The following TMEM200B variants were observed in gnomAD, a reference collection of about 807,000 sequenced individuals.
The protein encoded by TMEM200B is transmembrane protein TTMA.
Under a neutral mutation model 17.6 loss-of-function variants are expected in TMEM200B, and 12 were observed. The ratio of observed to expected loss-of-function variants is 0.68; its 90% CI spans 0.44 to 1.11. TMEM200B has a LOEUF of 1.11. Ranked by LOEUF, TMEM200B falls within the 50% of genes least tolerant of loss-of-function variation. The probability of loss-of-function intolerance (pLI) is 0.00; values close to 1 mark genes in which losing one functional copy is unlikely to be tolerated. For synonymous variants in TMEM200B, 234 were observed against 209.2 expected (o/e 1.12, Z -1.02); for missense variants, 456 against 447.6 (o/e 1.02, Z -0.17).
Position 29,119,881 on chromosome 1 carries a change from C to T in TMEM200B, c.*1024G>A, listed in dbSNP as rs1168585811. On this transcript the variant is annotated 3_prime_UTR_variant, in exon 2 of 2. Transcript: ENST00000521452. ...TTTACATTTCTTGAAAAAATAGGAA[C>T]TCGGGCAGCAGAATCAGATTGGCAG... 1 of 152,550 alleles carries T rather than the reference C, an allele frequency of 6.6e-6. No homozygotes were observed. Among genetic ancestry groups the T allele is most frequent in the Non-Finnish European group, 1.5e-5 (1 of 68,036 alleles). 9.4% of individuals were successfully genotyped at this position (152,550 alleles called of 1,614,324 possible).
chr1:29,121,551 T>TG lies in TMEM200B; in HGVS notation c.277dup (p.Gln93ProfsTer46). On this transcript the variant is annotated frameshift_variant, in exon 2 of 2. Transcript: ENST00000521452. LOFTEE classifies it high-confidence loss of function. The surrounding 1 kb of genome is among the most constrained non-coding windows in gnomAD (Gnocchi z 5.6). ...ACCCTCGCGTCGCAGCTCGCTCATC[T>TG]GGGGCGAGCTGGCATTGGCGGCCCG... 4 of 1,507,122 alleles carry TG rather than the reference T, an allele frequency of 2.7e-6. No individual in the cohort carries two copies. The highest frequency in any genetic ancestry group is 2.6e-6 in the Non-Finnish European group (3 of 1,137,110). The allele number at this position is 1,507,122 out of a possible 1,614,324, so 93.4% of individuals were successfully genotyped here. A position where few individuals can be genotyped will look rare whatever the true frequency, so the allele number is the denominator to read the frequency against.
Position 29,120,738 on chromosome 1 carries a change from T to G in TMEM200B, c.*167A>C. The G allele has an allele frequency of 1.2e-6, 1 of 859,760 alleles. No homozygotes were observed. The highest frequency in any genetic ancestry group is 1.8e-6 in the Non-Finnish European group (1 of 567,946). The allele number at this position is 859,760 out of a possible 1,614,324, so 53.3% of individuals were successfully genotyped here. A position where few individuals can be genotyped will look rare whatever the true frequency, so the allele number is the denominator to read the frequency against. ...TGAGCCCTGGTGCAGCTGGCATTTC[T>G]CTGCCCGCATGCAGGTCAGGATGCC... On this transcript the variant is annotated 3_prime_UTR_variant, in exon 2 of 2. Transcript: ENST00000521452.
Position 29,119,984 on chromosome 1 carries a change from ATC to A in TMEM200B, c.*919_*920del, listed in dbSNP as rs1330616584. 6.6e-6 allele frequency: 1 copy of A among 152,614 alleles called. No individual in the cohort carries two copies. The highest frequency in any genetic ancestry group is 2.4e-5 in the African/African-American group (1 of 41,440). 9.5% of individuals were successfully genotyped at this position (152,614 alleles called of 1,614,324 possible). A position where few individuals can be genotyped will look rare whatever the true frequency, so the allele number is the denominator to read the frequency against. On this transcript the variant is annotated 3_prime_UTR_variant, in exon 2 of 2. Transcript: ENST00000521452. ...GTAGAAGTGGTTGTAGTGTTTAGAT[ATC>A]TGTTTGGTCTTGCTTCTTGTATTGC...
Position 29,121,068 on chromosome 1 carries a change from C to T in TMEM200B, c.761G>A (p.Cys254Tyr), listed in dbSNP as rs1022872861. Residue 254 changes from cysteine (C) to tyrosine (Y), a missense_variant, in exon 2 of 2, where the codon TGC becomes TAC. Transcript: ENST00000521452. The surrounding 1 kb of genome is among the most constrained non-coding windows in gnomAD (Gnocchi z 5.6). Reference protein sequence around the residue: ...VIITVQPSGSCIEHSKSLDLG... With the variant: ...VIITVQPSGSYIEHSKSLDLG... ...ATCCAGAGACTTGGAATGTTCAATG[C>T]AGGAGCCAGACGGCTGCACGGTGAT... 2 of 1,613,738 alleles carry T rather than the reference C, an allele frequency of 1.2e-6. No homozygotes were observed. The highest frequency in any genetic ancestry group is 1.3e-5 in the African/African-American group (1 of 74,942).
At chr1:29,122,164 G>A (rs1671832808) in intron 1 of TMEM200B, among the ~76,000 whole-genome samples, 1 of 152,226 alleles carries the variant, frequency 6.6e-6, no homozygotes, top group East Asian at 1.9e-4. Context: ...GCCTGCGTCC[G>A]GTCCGCAAGC....
rs1157104672 is a variant in TMEM200B, at chr1:29,120,829, C to G, written c.*76G>C. The G allele has an allele frequency of 7.0e-7, 1 of 1,431,752 alleles. No homozygotes were observed. Among genetic ancestry groups the G allele is most frequent in the Non-Finnish European group, 9.3e-7 (1 of 1,077,470 alleles). The allele number at this position is 1,431,752 out of a possible 1,614,324, so 88.7% of individuals were successfully genotyped here. On this transcript the variant is annotated 3_prime_UTR_variant, in exon 2 of 2. Coordinates refer to ENST00000521452, the MANE Select transcript of TMEM200B (RefSeq NM_001003682.4). ...GGATGTGACTGAAACATCTATTAGA[C>G]GTTGGGACTCCTGGTCCTTTGGTCC... is the stretch of plus-strand genomic sequence containing the variant.
rs1385631192 is a variant in TMEM200B at position 29,121,502 on chromosome 1, G to A, written c.327C>T (p.Gly109=). 7.9e-6 allele frequency: 12 copies of A among 1,518,572 alleles called. No individual in the cohort carries two copies. Among genetic ancestry groups the A allele is most frequent in the African/African-American group, 1.4e-5 (1 of 71,848 alleles). The allele number at this position is 1,518,572 out of a possible 1,614,324, so 94.1% of individuals were successfully genotyped here. A position where few individuals can be genotyped will look rare whatever the true frequency, so the allele number is the denominator to read the frequency against. The change falls in exon 2 of 2, where the codon GGC becomes GGT. Residue 109 remains glycine (G), a synonymous_variant. Transcript: ENST00000521452. This position sits in a 1 kb window ranked among gnomAD's most constrained non-coding sequence, Gnocchi z 5.6. ...REGRGGGRAH[G]PHERLRLLGP... is the part of the protein sequence containing the mutation. ...CGAGGAGCCGCAGCCGCTCGTGCGGGCCGTGAGCCCGGCCCCCGCCGCGAC... is the reference window on the plus strand; with the variant it reads ...CGAGGAGCCGCAGCCGCTCGTGCGGACCGTGAGCCCGGCCCCCGCCGCGAC...
In TMEM200B at chr1:29,120,830, G is replaced by A. The variant is rs1351942532; in HGVS notation, c.*75C>T. ...GATGTGACTGAAACATCTATTAGAC[G>A]TTGGGACTCCTGGTCCTTTGGTCCT... is the stretch of plus-strand genomic sequence containing the variant. On this transcript the variant is annotated 3_prime_UTR_variant, in exon 2 of 2. Coordinates refer to ENST00000521452, the MANE Select transcript of TMEM200B (RefSeq NM_001003682.4). 2 of 1,442,690 alleles carry A rather than the reference G, an allele frequency of 1.4e-6. No individual in the cohort carries two copies. The highest frequency in any genetic ancestry group is 2.5e-5 in the East Asian group (1 of 40,124). 89.4% of individuals were successfully genotyped at this position (1,442,690 alleles called of 1,614,324 possible).
In TMEM200B at chr1:29,121,745, G is replaced by A; in HGVS notation, c.84C>T (p.Gly28=). Residue 28 remains glycine (G), a synonymous_variant, in exon 2 of 2, where the codon GGC becomes GGT. Transcript: ENST00000521452. The surrounding 1 kb of genome is among the most constrained non-coding windows in gnomAD (Gnocchi z 5.6). ...GCGGGGAGCGCGGGCGCCGGCGGCG[G>A]CCCAGGCGGCGGCCCAAGCGAGAGA... ...GRVSRLGRRL[G]RRRRPRSPPE... 8.3e-7 allele frequency: 1 copy of A among 1,209,450 alleles called. No homozygotes were observed. Among genetic ancestry groups the A allele is most frequent in the Non-Finnish European group, 1.0e-6 (1 of 973,466 alleles). The allele number at this position is 1,209,450 out of a possible 1,614,324, so 74.9% of individuals were successfully genotyped here.
Position 29,123,747 on chromosome 1 carries a change from C to G in TMEM200B, c.-21+109G>C, listed in dbSNP as rs1332683526. ...CCCGCCTGGGGGAACGGGAGGGCCG[C>G]GCTCCCGCCCCCAGGGGCCCTGACC... On this transcript the variant is annotated intron_variant, in intron 1 of 1. Coordinates refer to ENST00000521452, the MANE Select transcript of TMEM200B (RefSeq NM_001003682.4). 4.9e-5 allele frequency: 7 copies of G among 142,284 alleles called. 1 individual carries two copies. The highest frequency in any genetic ancestry group is 1.8e-4 in the African/African-American group (7 of 39,756). 8.8% of individuals were successfully genotyped at this position (142,284 alleles called of 1,614,324 possible).
Position 29,121,374 on chromosome 1 carries a change from A to G in TMEM200B, c.455T>C (p.Leu152Pro), listed in dbSNP as rs199917380. Reference protein sequence around the residue: ...LETRRLRQGVLRAQALRPPDG... With the variant: ...LETRRLRQGVPRAQALRPPDG... ...GGGGGGCCGGAGCGCCTGGGCCCGCAGCACCCCCTGGCGGAGCCGTCGCGT... is the reference window on the plus strand; with the variant it reads ...GGGGGGCCGGAGCGCCTGGGCCCGCGGCACCCCCTGGCGGAGCCGTCGCGT... Residue 152 changes from leucine to proline, a missense_variant, in exon 2 of 2, where the codon CTG becomes CCG. Coordinates refer to ENST00000521452, the MANE Select transcript of TMEM200B (RefSeq NM_001003682.4). This position sits in a 1 kb window ranked among gnomAD's most constrained non-coding sequence, Gnocchi z 5.6. The G allele has an allele frequency of 7.0e-4, 1,088 of 1,551,188 alleles. No homozygotes were observed. The highest frequency in any genetic ancestry group is 8.5e-4 in the Non-Finnish European group (973 of 1,150,454).
At chr1:29,122,089 G>A (rs1249291888) in intron 1 of TMEM200B, among the ~76,000 whole-genome samples, 4 of 152,160 alleles carry the variant, frequency 2.6e-5, no homozygotes, top group African/African-American at 9.7e-5. Flanking sequence ...GGCCCGGCCA[G>A]CGGGCGGAGA....
At chr1:29,123,670 TG>T (rs1279285163) in intron 1 of TMEM200B, among the ~76,000 whole-genome samples, 185 bp downstream of exon 1, 2 of 151,166 alleles carry the variant, frequency 1.3e-5, no homozygotes, top group East Asian at 4.0e-4. Context: ...CAGAAGATGC[TG>T]GGGCCGAGTC....
rs1329915691 is a variant in TMEM200B at position 29,120,112 on chromosome 1, G to A, written c.*793C>T. The A allele has an allele frequency of 6.6e-6, 1 of 152,624 alleles. No individual in the cohort carries two copies. Among genetic ancestry groups the A allele is most frequent in the Non-Finnish European group, 1.5e-5 (1 of 68,038 alleles). The allele number at this position is 152,624 out of a possible 1,614,324, so 9.5% of individuals were successfully genotyped here. A position where few individuals can be genotyped will look rare whatever the true frequency, so the allele number is the denominator to read the frequency against. ...GCAACTTGGGAAAAATTAAATATGG[G>A]TGGGGGAGACCTAAACTCAAGTCAT... On this transcript the variant is annotated 3_prime_UTR_variant, in exon 2 of 2. Transcript: ENST00000521452.
Position 29,120,763 on chromosome 1 carries a change from C to T in TMEM200B, c.*142G>A, listed in dbSNP as rs1215450163. 7.3e-6 allele frequency: 8 copies of T among 1,092,094 alleles called. No homozygotes were observed. In the African/African-American group the frequency reaches 1.3e-4, roughly 17 times the overall value. 67.7% of individuals were successfully genotyped at this position (1,092,094 alleles called of 1,614,324 possible). On this transcript the variant is annotated 3_prime_UTR_variant, in exon 2 of 2. Transcript: ENST00000521452. ...TCTGCCCGCATGCAGGTCAGGATGC[C>T]CTTCACAGCTGCTGTGGTCAGAGCA...
In TMEM200B at chr1:29,120,942, T is replaced by C. The variant is rs553819659; in HGVS notation, c.887A>G (p.Lys296Arg). 5.0e-6 allele frequency: 8 copies of C among 1,610,478 alleles called. No individual in the cohort carries two copies. Among genetic ancestry groups the C allele is most frequent in the Non-Finnish European group, 6.8e-6 (8 of 1,177,848 alleles). ...CCCCAAGTCCCCTCCTCCTCCCAATTTGGCATAGCCCCCAAGACTGAGGCG... is the reference window on the plus strand; with the variant it reads ...CCCCAAGTCCCCTCCTCCTCCCAATCTGGCATAGCCCCCAAGACTGAGGCG... ...LDRLSLGGYA[K>R]LGGGGDLGAR... The change falls in exon 2 of 2, where the codon AAA (lysine) becomes AGA (arginine). Residue 296 changes from lysine (K) to arginine (R), a missense_variant. Lys to Arg is a conservative substitution (Grantham distance 26). Transcript: ENST00000521452.
rs1190600474 is a variant in TMEM200B at position 29,121,375 on chromosome 1, G to A, written c.454C>T (p.Leu152=). Residue 152 remains leucine, a synonymous_variant, in exon 2 of 2, where the codon CTG becomes TTG. Coordinates refer to ENST00000521452, the MANE Select transcript of TMEM200B (RefSeq NM_001003682.4). The surrounding 1 kb of genome is among the most constrained non-coding windows in gnomAD (Gnocchi z 5.6). ...GGGGGCCGGAGCGCCTGGGCCCGCA[G>A]CACCCCCTGGCGGAGCCGTCGCGTC... ...LETRRLRQGV[L]RAQALRPPDG... The A allele has an allele frequency of 3.2e-6, 5 of 1,549,662 alleles. No homozygotes were observed. The highest frequency in any genetic ancestry group is 4.3e-6 in the Non-Finnish European group (5 of 1,149,906).
At position 29,121,565 on chromosome 1, in the gene TMEM200B, A is replaced by G. The variant is rs376135423; in HGVS notation, c.264T>C (p.Asn88=). 829 of 1,503,216 alleles carry G rather than the reference A, an allele frequency of 5.5e-4. 6 individuals carry two copies. In the African/African-American group the frequency reaches 0.011, roughly 20 times the overall value. 93.1% of individuals were successfully genotyped at this position (1,503,216 alleles called of 1,614,324 possible). ...RAGAPGSRAA[N]ASSPQMSELR... ...GCTCGCTCATCTGGGGCGAGCTGGC[A>G]TTGGCGGCCCGGGACCCTGGGGCCC... Residue 88 remains asparagine, a synonymous_variant, in exon 2 of 2, where the codon AAT becomes AAC. Coordinates refer to ENST00000521452, the MANE Select transcript of TMEM200B (RefSeq NM_001003682.4). The surrounding 1 kb of genome is among the most constrained non-coding windows in gnomAD (Gnocchi z 5.6).
rs1458737447 is a variant in TMEM200B, at chr1:29,121,916, G to A, written c.-20-68C>T. 2 of 1,107,824 alleles carry A rather than the reference G, an allele frequency of 1.8e-6. No homozygotes were observed. The highest frequency in any genetic ancestry group is 2.2e-6 in the Non-Finnish European group (2 of 898,138). The allele number at this position is 1,107,824 out of a possible 1,614,324, so 68.6% of individuals were successfully genotyped here. On this transcript the variant is annotated intron_variant, in intron 1 of 1. Coordinates refer to ENST00000521452, the MANE Select transcript of TMEM200B (RefSeq NM_001003682.4). This position sits in a 1 kb window ranked among gnomAD's most constrained non-coding sequence, Gnocchi z 5.6. Reference sequence around the variant, plus strand: ...TCTAGCTTCAGGGCGCCAGGTTCGGGGCGCAAATCCGGGAGGGAAGCTCCG... The same window carrying A: ...TCTAGCTTCAGGGCGCCAGGTTCGGAGCGCAAATCCGGGAGGGAAGCTCCG...
Sources: gnomAD v4.1 joint callset for allele counts (sites outside exome capture counted in the v4.1 genomes callset) on GRCh38, gnomAD v4.1.1 for gene constraint, Gnocchi (gnomAD v3.1) non-coding constraint, MANE v1.5 for transcripts, NCBI Gene and HGNC (gene_info 2026-07-23, HGNC 2026-07-21) for gene names.